Variants in PCDHA7 observed in about 807,000 individuals in gnomAD.
PCDHA7 encodes the protein protocadherin alpha-7.
Under a neutral mutation model 57.2 loss-of-function variants are expected in PCDHA7, and 37 were observed. The observed-to-expected ratio is 0.65, with a 90% CI of 0.50 to 0.85. The LOEUF is 0.85. Ranked by LOEUF, PCDHA7 falls within the 40% of genes least tolerant of loss-of-function variation. The probability of loss-of-function intolerance (pLI) is 0.00; values close to 1 mark genes in which losing one functional copy is unlikely to be tolerated. For synonymous variants in PCDHA7, 553 were observed against 558.8 expected, an observed-to-expected ratio of 0.99 and a Z score of 0.15; for missense variants, 1,188 against 1,241.8, an observed-to-expected ratio of 0.96 and a Z score of 0.65.
At chr5:140,884,428 G>C in intron 1 of PCDHA7, 1 of 1,613,962 alleles carries the variant, frequency 6.2e-7, no homozygotes, top group Non-Finnish European at 8.5e-7. Context: ...TGTATACTGC[G>C]CTGCGGTGCT....
At chr5:140,871,228 CTCCTGG>C in intron 1 of PCDHA7, 1 of 1,613,938 alleles carries the variant, frequency 6.2e-7, no homozygotes, top group Non-Finnish European at 8.5e-7. Context: ...GGTGTCCAGC[CTCCTGG>C]TACTCACGCT....
chr5:140,966,529 G>C (rs1382443921), intron 1 of PCDHA7: 5 of 446,974 alleles, frequency 1.1e-5, no homozygotes, highest in Non-Finnish European at 1.9e-5. Flanking sequence ...GCCGAGCCGG[G>C]TTGAGCGACT....
At chr5:140,933,721 C>T (rs957167505) in intron 1 of PCDHA7, among the ~76,000 whole-genome samples, 1 of 151,982 alleles carries the variant, frequency 6.6e-6, no homozygotes, top group African/African-American at 2.4e-5. Flanking sequence ...ATTGGTGATA[C>T]AGCTTTCTTA....
intron 1 of PCDHA7, among the ~76,000 whole-genome samples, chr5:140,959,018 A>T (rs1374346226): frequency 6.6e-6 from 1 of 152,078 alleles, no homozygotes; most frequent in Non-Finnish European, 1.5e-5. Flanking sequence ...TTTATACATT[A>T]AGCTTTATCA....
At chr5:140,915,581 A>G (rs1563006188) in intron 1 of PCDHA7, among the ~76,000 whole-genome samples, 1 of 151,994 alleles carries the variant, frequency 6.6e-6, no homozygotes, top group Non-Finnish European at 1.5e-5. Flanking sequence ...GCCAGGCAAA[A>G]GCACTTGTTC....
At chr5:140,927,619 C>T (rs2084429859) in intron 1 of PCDHA7, 3 of 1,614,170 alleles carry the variant, frequency 1.9e-6, no homozygotes, top group Non-Finnish European at 2.5e-6. Flanking sequence ...CACCAAGGTT[C>T]CAGAGACTGC....
At position 140,834,754 on chromosome 5, in the gene PCDHA7, A is replaced by G. The variant is rs2150225554; in HGVS notation, c.371A>G (p.Lys124Arg). 43 of 1,614,038 alleles carry G rather than the reference A, an allele frequency of 2.7e-5. 1 individual carries two copies. The South Asian group carries it at 3.7e-4, about 14-fold the overall frequency. Reference protein sequence around the residue: ...LQVFHVDVEVKDINDNPPVFP... With the variant: ...LQVFHVDVEVRDINDNPPVFP... Reference sequence around the variant, plus strand: ...GTTTTCCATGTGGACGTGGAGGTGAAGGACATTAACGACAACCCTCCGGTG... The same window carrying G: ...GTTTTCCATGTGGACGTGGAGGTGAGGGACATTAACGACAACCCTCCGGTG... Residue 124 changes from lysine to arginine, a missense_variant, in exon 1 of 4, where the codon AAG becomes AGG. By Grantham distance (26) the Lys-to-Arg change is conservative. This residue lies in a region of PCDHA7 where 194 missense variants were observed against 185.8 expected (regional missense o/e 1.04). Coordinates refer to ENST00000525929, the MANE Select transcript of PCDHA7 (RefSeq NM_018910.3).
intron 1 of PCDHA7, chr5:140,883,208 A>G: frequency 6.2e-7 from 1 of 1,614,034 alleles, no homozygotes; most frequent in Non-Finnish European, 8.5e-7. Flanking sequence ...CGAAGAAAAG[A>G]AATTATATGA....
At chr5:140,845,597 G>C (rs1779944998) in intron 1 of PCDHA7, among the ~76,000 whole-genome samples, 1 of 149,484 alleles carries the variant, frequency 6.7e-6, no homozygotes, top group African/African-American at 2.4e-5. Flanking sequence ...TCAGAAGTTA[G>C]TTATTAAGTA....
chr5:141,008,654 C>T (rs1554261865), intron 3 of PCDHA7, among the ~76,000 whole-genome samples: 1 of 152,124 alleles, frequency 6.6e-6, no homozygotes, highest in Non-Finnish European at 1.5e-5. Context: ...TTCTGGAGTC[C>T]CACAATACTT....
chr5:140,972,820 C>T (rs1247488574), intron 1 of PCDHA7, among the ~76,000 whole-genome samples: 1 of 151,962 alleles, frequency 6.6e-6, no homozygotes, highest in Non-Finnish European at 1.5e-5. Context: ...CGCGCCACCA[C>T]GCCTGGCTAA....
At chr5:140,920,868 T>C (rs1248971730) in intron 1 of PCDHA7, among the ~76,000 whole-genome samples, 4 of 149,716 alleles carry the variant, frequency 2.7e-5, no homozygotes, top group Non-Finnish European at 1.5e-5. Context: ...ACAAACAAAC[T>C]GTGGCCCTTA....
intron 1 of PCDHA7, chr5:140,966,973 G>C (rs782189736): frequency 6.2e-7 from 1 of 1,602,934 alleles, no homozygotes; most frequent in Non-Finnish European, 8.5e-7. Context: ...GGCTTGAGCT[G>C]CGGCGCTTGG....
At chr5:140,841,420 C>T in intron 1 of PCDHA7, 2 of 1,613,022 alleles carry the variant, frequency 1.2e-6, no homozygotes, top group African/African-American at 1.3e-5. Context: ...AGCTCCACTA[C>T]TCCGTCCCCG....
chr5:140,875,655 G>C, intron 1 of PCDHA7: 1 of 1,613,724 alleles, frequency 6.2e-7, no homozygotes, highest in Middle Eastern at 1.7e-4. Context: ...AGCTGGTGCC[G>C]CGCCTGTTCC....
intron 1 of PCDHA7, chr5:140,966,989 G>A: frequency 5.0e-6 from 8 of 1,604,148 alleles, no homozygotes; most frequent in Non-Finnish European, 6.8e-6. Context: ...CTTGGGGCCG[G>A]GTTGCTTGCG....
intron 1 of PCDHA7, chr5:140,858,078 C>T (rs782110139): frequency 6.3e-7 from 1 of 1,597,798 alleles, no homozygotes; most frequent in South Asian, 1.1e-5. Context: ...GCACCCAAGG[C>T]CTCGTCGCGG....
At chr5:140,945,641 C>T (rs1253716354) in intron 1 of PCDHA7, among the ~76,000 whole-genome samples, 3 of 151,972 alleles carry the variant, frequency 2.0e-5, no homozygotes, top group Non-Finnish European at 2.9e-5. Context: ...GACATGTAGA[C>T]CAATGGAGCA....
At chr5:140,921,428 T>G (rs1291283426) in intron 1 of PCDHA7, among the ~76,000 whole-genome samples, 1 of 152,190 alleles carries the variant, frequency 6.6e-6, no homozygotes, top group Non-Finnish European at 1.5e-5. Context: ...GACAAAAATT[T>G]TCTTCAATGG....
Sources: gnomAD v4.1 joint callset for allele counts (sites outside exome capture counted in the v4.1 genomes callset) on GRCh38, gnomAD v4.1.1 for gene constraint, gnomAD v4.1.1 regional missense constraint, MANE v1.5 for transcripts, NCBI Gene and HGNC (gene_info 2026-07-23, HGNC 2026-07-21) for gene names.